The following OTOGL variants were observed in gnomAD, a reference collection of about 807,000 sequenced individuals.
The protein encoded by OTOGL is otogelin like.
In OTOGL, 285 loss-of-function variants were observed where a neutral mutation model predicts 318.5. The ratio of observed to expected loss-of-function variants is 0.89; its 90% CI spans 0.81 to 0.99. The LOEUF (loss-of-function observed/expected upper bound fraction) is 0.99, where lower values mean the gene tolerates loss of function less well. Among genes scored for constraint, OTOGL ranks in the 50% least tolerant of loss-of-function variants. The pLI, the probability that OTOGL is intolerant of heterozygous loss-of-function variation, is 0.00. For synonymous variants in OTOGL, 987 were observed against 936.5 expected (o/e 1.05, Z -0.99); for missense variants, 2,899 against 2,845.6 (o/e 1.02, Z -0.43).
chr12:80,261,884 AT>A (rs1882555072), intron 18 of OTOGL, 84 bp from the exon 19 acceptor site: 2 of 1,442,386 alleles, frequency 1.4e-6, no homozygotes, highest in Non-Finnish European at 1.9e-6. Context: ...ATTATGAAAA[AT>A]AGTATTCTCT....
chr12:80,251,115 G>A (rs1881504288), intron 11 of OTOGL, among the ~76,000 whole-genome samples: 2 of 152,184 alleles, frequency 1.3e-5, no homozygotes, highest in Non-Finnish European at 2.9e-5. Flanking sequence ...TAAAGAAAAT[G>A]TGGCACATAT....
rs1170475690 is a variant in OTOGL at position 80,305,705 on chromosome 12, A to C, written c.3333+10A>C. ...TTGGGCATTAGGACAGGTAAGTTAC[A>C]TAAATGTATTTTAGAAGTCAACAAA... On this transcript the variant is annotated intron_variant, in intron 29 of 58. Coordinates refer to ENST00000547103, the MANE Select transcript of OTOGL (RefSeq NM_001378609.3). 6.6e-7 allele frequency: 1 copy of C among 1,508,514 alleles called. No individual in the cohort carries two copies. Among genetic ancestry groups the C allele is most frequent in the Non-Finnish European group, 8.8e-7 (1 of 1,141,606 alleles). 93.4% of individuals were successfully genotyped at this position (1,508,514 alleles called of 1,614,324 possible). A position where few individuals can be genotyped will look rare whatever the true frequency, so the allele number is the denominator to read the frequency against.
intron 7 of OTOGL, among the ~76,000 whole-genome samples, chr12:80,225,208 C>T (rs560516940): frequency 7.9e-5 from 12 of 152,170 alleles, no homozygotes; most frequent in Middle Eastern, 3.4e-3. Flanking sequence ...TGCAGGTCTC[C>T]TGTTCTCAGT....
intron 1 of OTOGL, among the ~76,000 whole-genome samples, chr12:80,124,660 C>G (rs916040965): frequency 6.6e-6 from 1 of 152,182 alleles, no homozygotes; most frequent in African/African-American, 2.4e-5. Context: ...TTGATTCTCC[C>G]TACCCATGAG....
intron 27 of OTOGL, among the ~76,000 whole-genome samples, chr12:80,297,657 A>G (rs1191423548): frequency 6.6e-6 from 1 of 152,024 alleles, no homozygotes; most frequent in African/African-American, 2.4e-5. Context: ...TTTTGATGGA[A>G]ATCTAATATG....
intron 1 of OTOGL, among the ~76,000 whole-genome samples, chr12:80,157,725 C>A (rs1001659806): frequency 6.6e-6 from 1 of 152,090 alleles, no homozygotes; most frequent in African/African-American, 2.4e-5. Flanking sequence ...TGTGAAAAAT[C>A]AGTTCGCTGT....
intron 1 of OTOGL, among the ~76,000 whole-genome samples, chr12:80,102,155 C>T (rs1362853588): frequency 6.6e-6 from 1 of 152,162 alleles, no homozygotes; most frequent in Non-Finnish European, 1.5e-5. Context: ...AACTGTGTGA[C>T]TGAGCAACTT....
chr12:80,345,149 TTATATTA>T (rs1344552505), intron 44 of OTOGL, among the ~76,000 whole-genome samples: 20 of 136,504 alleles, frequency 1.5e-4, no homozygotes, highest in African/African-American at 5.3e-4. Flanking sequence ...ATATTATATG[TTATATTA>T]TATATTATGA....
At chr12:80,284,046 A>G (rs1387075236) in intron 26 of OTOGL, among the ~76,000 whole-genome samples, 14 of 152,020 alleles carry the variant, frequency 9.2e-5, no homozygotes, top group Admixed American at 9.2e-4. Flanking sequence ...ATCCCCTGAC[A>G]GACCCCAGTG....
At chr12:80,121,020 G>A (rs964692522) in intron 1 of OTOGL, among the ~76,000 whole-genome samples, 3 of 152,128 alleles carry the variant, frequency 2.0e-5, no homozygotes, top group Non-Finnish European at 4.4e-5. Context: ...TAGGGTGTGT[G>A]GAGGGACAAA....
chr12:80,119,261 C>T (rs1248524201), intron 1 of OTOGL, among the ~76,000 whole-genome samples: 1 of 152,200 alleles, frequency 6.6e-6, no homozygotes, highest in Admixed American at 6.5e-5. Context: ...TCTTGACTAT[C>T]TCTTGAGCCT....
At chr12:80,317,135 T>C (rs541055004) in intron 32 of OTOGL, among the ~76,000 whole-genome samples, 24 of 152,266 alleles carry the variant, frequency 1.6e-4, no homozygotes, top group Non-Finnish European at 3.1e-4. Context: ...GCTATTTCTG[T>C]AGGTGAGGGA....
At chr12:80,146,504 T>G (rs969797694) in intron 1 of OTOGL, among the ~76,000 whole-genome samples, 1 of 151,826 alleles carries the variant, frequency 6.6e-6, no homozygotes, top group African/African-American at 2.4e-5. Flanking sequence ...ATCAAGGATA[T>G]TGGTCTAAAA....
intron 44 of OTOGL, among the ~76,000 whole-genome samples, chr12:80,347,039 A>G (rs1889240713): frequency 1.3e-5 from 2 of 152,164 alleles, no homozygotes; most frequent in Non-Finnish European, 2.9e-5. Flanking sequence ...TTGAATCCAG[A>G]CAACCATCAT....
chr12:80,138,577 A>G (rs1264664865), intron 1 of OTOGL, among the ~76,000 whole-genome samples: 1 of 152,124 alleles, frequency 6.6e-6, no homozygotes, highest in Non-Finnish European at 1.5e-5. Context: ...GAGAGCTTTT[A>G]CTGCCAGTTG....
chr12:80,295,405 G>A (rs772328817), intron 26 of OTOGL, among the ~76,000 whole-genome samples: 26 of 152,102 alleles, frequency 1.7e-4, no homozygotes, highest in Non-Finnish European at 2.9e-4. Flanking sequence ...TTGAACTCCT[G>A]ATCTCAAGTG....
chr12:80,277,418 A>C (rs989074943), intron 24 of OTOGL, among the ~76,000 whole-genome samples: 1 of 147,554 alleles, frequency 6.8e-6, no homozygotes, highest in East Asian at 2.0e-4. Context: ...AACACACCAA[A>C]ATTAATTCTT....
chr12:80,254,020 A>C (rs1017288816), intron 14 of OTOGL, among the ~76,000 whole-genome samples: 1 of 152,134 alleles, frequency 6.6e-6, no homozygotes, highest in Non-Finnish European at 1.5e-5. Flanking sequence ...TCCTAAAAAG[A>C]AACAGAGGTC....
In OTOGL at chr12:80,291,030, A is replaced by G. The variant is rs1032190968; in HGVS notation, c.2929-5797A>G. On this transcript the variant is annotated intron_variant, in intron 26 of 58. Transcript: ENST00000547103. ...CCTGTTACTCTCATTTTCTTTTTTT[A>G]GTAGAGAAAATGTAGCATTTATCAT... 6.6e-5 allele frequency among the ~76,000 whole-genome samples: 10 copies of G among 152,138 alleles called. 1 individual carries two copies. Among genetic ancestry groups the G allele is most frequent in the Admixed American group, 6.5e-4 (10 of 15,274 alleles).
Sources: allele counts gnomAD v4.1 joint callset (sites outside exome capture counted in the v4.1 genomes callset), GRCh38; gene constraint gnomAD v4.1.1; transcripts MANE v1.5; gene names NCBI Gene and HGNC (gene_info 2026-07-23, HGNC 2026-07-21).